Variants in FAM161A observed in about 807,000 individuals in gnomAD.
FAM161A encodes protein FAM161A.
In FAM161A, 57 loss-of-function variants were observed where a neutral mutation model predicts 70.9. That is an observed-to-expected ratio of 0.80 (90% CI 0.65 to 1.00). FAM161A has a LOEUF of 1.00. Ranked by LOEUF, FAM161A falls within the 50% of genes least tolerant of loss-of-function variation. FAM161A has a pLI of 0.00. For synonymous variants in FAM161A, 299 were observed against 295.7 expected, an observed-to-expected ratio of 1.01 and a Z score of -0.12; for missense variants, 880 against 836.0, an observed-to-expected ratio of 1.05 and a Z score of -0.65.
At chr2:61,847,138 G>GT (rs1558490199) in intron 1 of FAM161A, 4 of 263,836 alleles carry the variant, frequency 1.5e-5, no homozygotes, top group African/African-American at 9.3e-5. Context: ...CTCTAGCCTG[G>GT]GTGACAGAGT....
the FAM161A span, among the ~76,000 whole-genome samples, chr2:61,805,318 C>T: frequency 5.3e-5 from 8 of 152,136 alleles, no homozygotes; most frequent in African/African-American, 1.2e-4. Context: ...GAGTTCGAGA[C>T]GAGCCTGGCC....
At chr2:61,833,924 G>A (rs898215806) in intron 5 of FAM161A, among the ~76,000 whole-genome samples, 2 of 152,154 alleles carry the variant, frequency 1.3e-5, no homozygotes, top group African/African-American at 4.8e-5. Context: ...TACTTGGGAT[G>A]CTCATACTGG....
the FAM161A span, among the ~76,000 whole-genome samples, chr2:61,819,289 T>C: frequency 6.6e-6 from 1 of 152,074 alleles, no homozygotes; most frequent in Non-Finnish European, 1.5e-5. Context: ...TGGCAAAACC[T>C]GTCTCTGCAA....
At chr2:61,817,468 A>G in the FAM161A span, among the ~76,000 whole-genome samples, 170 of 152,214 alleles carry the variant, frequency 1.1e-3, no homozygotes, top group Non-Finnish European at 1.9e-3. Context: ...CAAAATTATC[A>G]AGAAGATTAT....
downstream of FAM161A, among the ~76,000 whole-genome samples, chr2:61,821,769 T>C (rs558233199): frequency 6.6e-6 from 1 of 151,750 alleles, no homozygotes; most frequent in Admixed American, 6.6e-5. Context: ...TTTTATTTTA[T>C]TTATTATTAT....
chr2:61,840,422 A>G lies in FAM161A; in HGVS notation c.582T>C (p.Tyr194=), dbSNP rs913388509. The G allele has an allele frequency of 6.2e-7, 1 of 1,614,004 alleles. No homozygotes were observed. The highest frequency in any genetic ancestry group is 1.3e-5 in the African/African-American group (1 of 74,916). ...ACATATTGTTGATGAGCTCCTTAGCATAGGTCATCATTCTGTTTTTCCTAG... is the reference window on the plus strand; with the variant it reads ...ACATATTGTTGATGAGCTCCTTAGCGTAGGTCATCATTCTGTTTTTCCTAG... The part of the protein sequence containing the change: ...EYPRKNRMMT[Y]AKELINNMWT... Residue 194 remains tyrosine, a synonymous_variant, in exon 3 of 7, where the codon TAT becomes TAC. Transcript: ENST00000404929.
intron 1 of FAM161A, among the ~76,000 whole-genome samples, chr2:61,842,568 A>T (rs1461236347): frequency 6.6e-6 from 1 of 152,226 alleles, no homozygotes; most frequent in Non-Finnish European, 1.5e-5. Context: ...GAGCAAGACC[A>T]AACTGTCAGA....
At chr2:61,831,277 CT>C (rs1349997430) in intron 5 of FAM161A, among the ~76,000 whole-genome samples, 20 of 148,616 alleles carry the variant, frequency 1.3e-4, no homozygotes, top group East Asian at 3.9e-4. Flanking sequence ...ATTTACTTTC[CT>C]TTTTTTTTTC....
intron 5 of FAM161A, among the ~76,000 whole-genome samples, chr2:61,832,587 C>T (rs927789468): frequency 1.3e-5 from 2 of 152,250 alleles, no homozygotes; most frequent in Middle Eastern, 3.4e-3. Flanking sequence ...GAACTAGGTA[C>T]GGGTCTGTGG....
At chr2:61,822,133 T>C (rs116460205), downstream of FAM161A, among the ~76,000 whole-genome samples, 1,071 of 151,860 alleles carry the variant, frequency 7.1e-3, 13 homozygotes, top group African/African-American at 0.024. Context: ...GTTGCTATAC[T>C]ATAAAGGTTA....
At chr2:61,809,503 C>T in the FAM161A span, among the ~76,000 whole-genome samples, 19 of 152,180 alleles carry the variant, frequency 1.2e-4, no homozygotes, top group African/African-American at 4.6e-4. Flanking sequence ...GAAGCATCTC[C>T]GTTAGCATGT....
At chr2:61,853,563 C>A (rs1014422484) in intron 1 of FAM161A, among the ~76,000 whole-genome samples, 7 of 152,158 alleles carry the variant, frequency 4.6e-5, no homozygotes, top group African/African-American at 1.7e-4. Flanking sequence ...TCCCGAGATG[C>A]TGGAGAGTAG....
rs998407229 is a variant in FAM161A, at chr2:61,826,279, C to G, written c.*176G>C. 6 of 731,256 alleles carry G rather than the reference C, an allele frequency of 8.2e-6. No individual in the cohort carries two copies. The African/African-American group carries it at 8.7e-5, about 11-fold the overall frequency. 45.3% of individuals were successfully genotyped at this position (731,256 alleles called of 1,614,324 possible). A position where few individuals can be genotyped will look rare whatever the true frequency, so the allele number is the denominator to read the frequency against. On this transcript the variant is annotated 3_prime_UTR_variant, in exon 7 of 7. Transcript: ENST00000404929. ...AAAACTGAATAGGCAAAGCCTTACTCTAACTGATCAAATGACCAATCAGCT... is the reference window on the plus strand; with the variant it reads ...AAAACTGAATAGGCAAAGCCTTACTGTAACTGATCAAATGACCAATCAGCT...
intron 1 of FAM161A, among the ~76,000 whole-genome samples, chr2:61,845,879 A>G (rs1673190506): frequency 1.3e-5 from 2 of 152,094 alleles, no homozygotes; most frequent in South Asian, 4.1e-4. Flanking sequence ...ACCTGAGCTC[A>G]GTAGTTCAAG....
chr2:61,825,890 G>C lies in FAM161A; in HGVS notation c.*565C>G. 2.2e-6 allele frequency: 1 copy of C among 454,012 alleles called. No homozygotes were observed. The highest frequency in any genetic ancestry group is 4.4e-6 in the Non-Finnish European group (1 of 226,736). 28.1% of individuals were successfully genotyped at this position (454,012 alleles called of 1,614,324 possible). Reference sequence around the variant, plus strand: ...CTGACCTCGTGATCCACCCGTCTCGGCCTCCCAAAATGCTGGGATTACAGG... The same window carrying C: ...CTGACCTCGTGATCCACCCGTCTCGCCCTCCCAAAATGCTGGGATTACAGG... On this transcript the variant is annotated 3_prime_UTR_variant, in exon 7 of 7. Coordinates refer to ENST00000404929, the MANE Select transcript of FAM161A (RefSeq NM_001201543.2).
intron 1 of FAM161A, chr2:61,846,790 T>C: frequency 8.3e-6 from 3 of 359,968 alleles, no homozygotes; most frequent in South Asian, 6.1e-5. Context: ...CTGCTTCCTG[T>C]CGGCTTGTGT....
Position 61,827,384 on chromosome 2 carries a change from G to A in FAM161A, c.1852-126C>T, listed in dbSNP as rs1000811641. The A allele has an allele frequency of 8.3e-6, 7 of 841,674 alleles. No homozygotes were observed. The Admixed American group carries it at 9.3e-5, about 11-fold the overall frequency. The allele number at this position is 841,674 out of a possible 1,614,324, so 52.1% of individuals were successfully genotyped here. A position where few individuals can be genotyped will look rare whatever the true frequency, so the allele number is the denominator to read the frequency against. ...CCAGTGCTTTGGGAGGCCGAGACGG[G>A]TGGATCACGAGGTCAGGAGATCAAG... On this transcript the variant is annotated intron_variant, in intron 5 of 6. Coordinates refer to ENST00000404929, the MANE Select transcript of FAM161A (RefSeq NM_001201543.2).
rs1221592370 is a variant in FAM161A, at chr2:61,839,363, G to C, written c.1583+58C>G. 2.7e-6 allele frequency: 4 copies of C among 1,486,584 alleles called. No homozygotes were observed. The East Asian group carries it at 6.8e-5, about 25-fold the overall frequency. 92.1% of individuals were successfully genotyped at this position (1,486,584 alleles called of 1,614,324 possible). A position where few individuals can be genotyped will look rare whatever the true frequency, so the allele number is the denominator to read the frequency against. On this transcript the variant is annotated intron_variant, in intron 3 of 6. Transcript: ENST00000404929. ...AATTTACCAACATAAACTCCACAGA[G>C]CTGCATACACTCATCTGGCAACCAT...
intron 1 of FAM161A, among the ~76,000 whole-genome samples, chr2:61,849,363 G>A (rs1673416444): frequency 6.6e-6 from 1 of 150,938 alleles, no homozygotes; most frequent in Non-Finnish European, 1.5e-5. Flanking sequence ...AATGTCACCT[G>A]GTATGGTGGC....
Sources: allele counts gnomAD v4.1 joint callset (sites outside exome capture counted in the v4.1 genomes callset), GRCh38; gene constraint gnomAD v4.1.1; transcripts MANE v1.5; gene names NCBI Gene and HGNC (gene_info 2026-07-23, HGNC 2026-07-21).